The following MBOAT4 variants were observed in gnomAD, a reference collection of about 807,000 sequenced individuals.
The protein encoded by MBOAT4 is membrane-bound ghrelin O-acyltransferase MBOAT4.
In MBOAT4, 11 loss-of-function variants were observed where a neutral mutation model predicts 13.2. The observed-to-expected ratio is 0.84, with a 90% CI of 0.53 to 1.38. MBOAT4 has a LOEUF of 1.38. Ranked by LOEUF, MBOAT4 falls within the 40% of genes most tolerant of loss-of-function variation. The pLI, the probability that MBOAT4 is intolerant of heterozygous loss-of-function variation, is 0.00. For synonymous variants in MBOAT4, 202 were observed against 210.3 expected (o/e 0.96, Z 0.34); for missense variants, 481 against 527.2 (o/e 0.91, Z 0.86).
At chr8:30,143,402 A>ATATAT (rs1803297023) in intron 1 of MBOAT4, among the ~76,000 whole-genome samples, 1 of 3,528 alleles carries the variant, frequency 2.8e-4, no homozygotes, top group African/African-American at 3.3e-4. Flanking sequence ...TATATATATA[A>ATATAT]AAATAAATAA....
At chr8:30,134,650 C>CGA (rs1803100560) in intron 2 of MBOAT4, among the ~76,000 whole-genome samples, 1 of 149,294 alleles carries the variant, frequency 6.7e-6, no homozygotes, top group Non-Finnish European at 1.5e-5. Flanking sequence ...TGGCTTCAAG[C>CGA]GATTCTCCTG....
intron 2 of MBOAT4, chr8:30,137,399 C>T: frequency 1.9e-6 from 3 of 1,551,708 alleles, no homozygotes; most frequent in Non-Finnish European, 1.7e-6. Flanking sequence ...AGAGTGTCCA[C>T]TCAACCCGTG....
intron 2 of MBOAT4, chr8:30,137,536 T>C: frequency 7.0e-7 from 1 of 1,423,514 alleles, no homozygotes; most frequent in Non-Finnish European, 9.7e-7. Flanking sequence ...CTGCACCATG[T>C]AGGCAACACG....
intron 1 of MBOAT4, among the ~76,000 whole-genome samples, chr8:30,144,084 G>A (rs558038640): frequency 1.1e-4 from 16 of 151,768 alleles, no homozygotes; most frequent in African/African-American, 3.9e-4. Context: ...TTAATATATT[G>A]TAATCTTCAC....
intron 1 of MBOAT4, among the ~76,000 whole-genome samples, chr8:30,140,061 A>G (rs1367558406): frequency 6.6e-6 from 1 of 152,148 alleles, no homozygotes; most frequent in Non-Finnish European, 1.5e-5. Context: ...TTTTTTAGAC[A>G]GAGTCTCGCT....
chr8:30,134,798 T>C (rs1803104096), intron 2 of MBOAT4, among the ~76,000 whole-genome samples: 1 of 152,174 alleles, frequency 6.6e-6, no homozygotes, highest in South Asian at 2.1e-4. Flanking sequence ...TCTGCCCGCC[T>C]CGGCCTCCCA....
intron 1 of MBOAT4, among the ~76,000 whole-genome samples, chr8:30,140,586 T>G (rs2117548893): frequency 6.6e-6 from 1 of 152,328 alleles, no homozygotes; most frequent in East Asian, 1.9e-4. Context: ...CCACTTATCT[T>G]GCTACAACAA....
Position 30,138,690 on chromosome 8 carries a change from G to T in MBOAT4, c.186C>A (p.Leu62=), listed in dbSNP as rs145023991. 162 of 1,550,818 alleles carry T rather than the reference G, an allele frequency of 1.0e-4. 1 individual carries two copies. The highest frequency in any genetic ancestry group is 1.3e-4 in the Non-Finnish European group (154 of 1,147,010). ...AVAAMGSYAV[L]VFTPAVCAVA... ...CAGCGCAGACAGCAGGGGTGAAGAC[G>T]AGCACGGCGTAGGAACCCATGGCAG... The change falls in exon 2 of 3, where the codon CTC becomes CTA. Residue 62 remains leucine, a synonymous_variant. Transcript: ENST00000320542.
chr8:30,131,944 C>A lies in MBOAT4; in HGVS notation c.1307G>T (p.Ter436LeuextTer15). ...TAAGGTGAAAGCCAGGGAAAGATGT[C>A]AGTTACATTTGTGCTTTCTCTTCGC... is the stretch of plus-strand genomic sequence containing the variant. Reference protein sequence around the residue: ...LLAKRKHKCN* With the variant: ...LLAKRKHKCNL The change falls in exon 3 of 3, where the codon TGA becomes TTA. Residue 436 changes from the stop codon to leucine (L), a stop_lost. Transcript: ENST00000320542. 2 of 1,541,700 alleles carry A rather than the reference C, an allele frequency of 1.3e-6. No individual in the cohort carries two copies. Among genetic ancestry groups the A allele is most frequent in the South Asian group, 2.4e-5 (2 of 83,110 alleles).
At chr8:30,142,661 A>G (rs1225881808) in intron 1 of MBOAT4, among the ~76,000 whole-genome samples, 2 of 152,152 alleles carry the variant, frequency 1.3e-5, no homozygotes, top group East Asian at 3.9e-4. Context: ...CCAGCCAGAA[A>G]CTGAGCAATC....
At chr8:30,140,867 G>T (rs1179153288) in intron 1 of MBOAT4, among the ~76,000 whole-genome samples, 7 of 151,958 alleles carry the variant, frequency 4.6e-5, no homozygotes, top group Non-Finnish European at 7.4e-5. Context: ...TTTGAGACAG[G>T]GTCCCTGTTG....
At chr8:30,137,920 G>T (rs1485500231) in intron 2 of MBOAT4, 3 of 227,844 alleles carry the variant, frequency 1.3e-5, no homozygotes, top group Non-Finnish European at 2.7e-5. Flanking sequence ...CTATTCTAAG[G>T]CCTAACATCA....
chr8:30,143,142 A>G (rs1803289540), intron 1 of MBOAT4, among the ~76,000 whole-genome samples: 1 of 152,106 alleles, frequency 6.6e-6, no homozygotes, highest in Admixed American at 6.5e-5. Context: ...AAACCTACAC[A>G]TGTACCCCTT....
chr8:30,144,441 A>G, intron 1 of MBOAT4, 42 bp downstream of exon 1: 2 of 1,407,396 alleles, frequency 1.4e-6, no homozygotes, highest in Non-Finnish European at 2.0e-6. Flanking sequence ...CAGTCACTAT[A>G]GTATTTCTGG....
At chr8:30,142,527 T>G (rs1425875069) in intron 1 of MBOAT4, among the ~76,000 whole-genome samples, 5 of 152,066 alleles carry the variant, frequency 3.3e-5, no homozygotes, top group African/African-American at 4.8e-5. Context: ...GGCTAATTTT[T>G]TGTACTTTTT....
chr8:30,141,393 G>T (rs1003648018), intron 1 of MBOAT4, among the ~76,000 whole-genome samples: 9 of 152,134 alleles, frequency 5.9e-5, no homozygotes, highest in African/African-American at 2.2e-4. Context: ...CCAGCACTTT[G>T]GGAGGCTGAG....
At chr8:30,142,183 G>T (rs150049842) in intron 1 of MBOAT4, among the ~76,000 whole-genome samples, 3 of 152,054 alleles carry the variant, frequency 2.0e-5, no homozygotes, top group Non-Finnish European at 4.4e-5. Flanking sequence ...AACCCTTTAC[G>T]AGAAATATAT....
chr8:30,132,484 T>G lies in MBOAT4; in HGVS notation c.767A>C (p.Tyr256Ser), dbSNP rs1444206382. ...GGAGTCGTCCAGGATCCAGTGGGAG[T>G]AGTAGGTGAGCTTGAAAAGCCCAGC... is the stretch of plus-strand genomic sequence containing the variant. ...TTAGLFKLTY[Y>S]SHWILDDSLL... The change falls in exon 3 of 3, where the codon TAC becomes TCC. Residue 256 changes from tyrosine to serine, a missense_variant. Coordinates refer to ENST00000320542, the MANE Select transcript of MBOAT4 (RefSeq NM_001100916.2). The G allele has an allele frequency of 2.6e-5, 40 of 1,550,940 alleles. No homozygotes were observed. The highest frequency in any genetic ancestry group is 3.1e-5 in the Non-Finnish European group (36 of 1,146,850).
intron 2 of MBOAT4, chr8:30,138,259 C>G: frequency 3.3e-6 from 1 of 302,006 alleles, no homozygotes; most frequent in South Asian, 7.0e-5. Context: ...TTCTTTACTG[C>G]AATTCCCCTG....
Sources: gnomAD v4.1 joint callset for allele counts (sites outside exome capture counted in the v4.1 genomes callset) on GRCh38, gnomAD v4.1.1 for gene constraint, MANE v1.5 for transcripts, NCBI Gene and HGNC (gene_info 2026-07-23, HGNC 2026-07-21) for gene names.